The following BOP1 variants were observed in gnomAD, a reference collection of about 807,000 sequenced individuals.
BOP1 encodes BOP1 ribosomal biogenesis factor, also known as ribosome biogenesis protein BOP1.
BOP1 carries 54 observed loss-of-function variants against 82.9 expected under a neutral mutation model. The ratio of observed to expected loss-of-function variants is 0.65; its 90% CI spans 0.52 to 0.82. The LOEUF is 0.82. BOP1 is among the 40% of genes least tolerant of loss of function. The pLI is 0.00. For synonymous variants in BOP1, 566 were observed against 451.1 expected (o/e 1.25, Z -3.23); for missense variants, 1,170 against 1,072.0 (o/e 1.09, Z -1.28).
At chr8:144,267,293 C>T (rs1845396669) in intron 3 of BOP1, 3 of 1,266,252 alleles carry the variant, frequency 2.4e-6, no homozygotes, top group Non-Finnish European at 3.0e-6. Context: ...AGGGCACAGG[C>T]AGGCACACCT....
Position 144,264,295 on chromosome 8 carries a change from G to A in BOP1, c.908C>T (p.Pro303Leu). 1.2e-6 allele frequency: 2 copies of A among 1,611,218 alleles called. No homozygotes were observed. Among genetic ancestry groups the A allele is most frequent in the South Asian group, 1.1e-5 (1 of 90,982 alleles). Residue 303 changes from proline (P) to leucine (L), a missense_variant, in exon 7 of 16, where the codon CCC becomes CTC. Coordinates refer to ENST00000569669, the MANE Select transcript of BOP1 (RefSeq NM_015201.5). Reference sequence around the variant, plus strand: ...GGCGTGGCCTGGCAGGGCCAGCTTGGGAGCAGGTACGTGCATCTTGTGGCG... The same window carrying A: ...GGCGTGGCCTGGCAGGGCCAGCTTGAGAGCAGGTACGTGCATCTTGTGGCG... ...LGRHKMHVPA[P>L]KLALPGHAES...
Position 144,291,140 on chromosome 8 carries a change from C to G in BOP1, c.99+132G>C. On this transcript the variant is annotated intron_variant, in intron 1 of 15. Coordinates refer to ENST00000569669, the MANE Select transcript of BOP1 (RefSeq NM_015201.5). The surrounding 1 kb of genome is among the most constrained non-coding windows in gnomAD (Gnocchi z 4.1). ...GAGACCCCCCGATAGAGGAGCTGCA[C>G]CCACGCCCAAGACCGATTCACTGGG... 1.5e-6 allele frequency: 1 copy of G among 663,056 alleles called. No individual in the cohort carries two copies. Among genetic ancestry groups the G allele is most frequent in the Non-Finnish European group, 2.1e-6 (1 of 477,980 alleles). 41.1% of individuals were successfully genotyped at this position (663,056 alleles called of 1,614,324 possible).
intron 3 of BOP1, 129 bp downstream of exon 3, chr8:144,276,095 C>T: frequency 1.8e-6 from 2 of 1,106,292 alleles, no homozygotes; most frequent in South Asian, 1.3e-5. Flanking sequence ...GGCCTCGGCT[C>T]CAACAGTGCG....
At chr8:144,267,327 G>A (rs1845397623) in intron 3 of BOP1, 4 of 1,018,000 alleles carry the variant, frequency 3.9e-6, no homozygotes, top group Non-Finnish European at 5.1e-6. Context: ...GCCGGGGGCT[G>A]GGGCCTTCTC....
intron 11 of BOP1, 21 bp downstream of exon 11, chr8:144,263,457 G>T: frequency 6.3e-7 from 1 of 1,597,884 alleles, no homozygotes. Flanking sequence ...TGGCTCCCCA[G>T]CCCCCAGGGC....
intron 2 of BOP1, among the ~76,000 whole-genome samples, chr8:144,285,043 G>C (rs1814826367): frequency 6.6e-6 from 1 of 152,220 alleles, no homozygotes; most frequent in Admixed American, 6.5e-5. Flanking sequence ...GGTTGGTTTG[G>C]GGCACACACT....
In BOP1 at chr8:144,262,062, T is replaced by C. The variant is rs1845188098; in HGVS notation, c.*102A>G. The C allele has an allele frequency of 4.5e-6, 7 of 1,556,646 alleles. No individual in the cohort carries two copies. The highest frequency in any genetic ancestry group is 3.5e-5 in the Admixed American group (2 of 57,734). On this transcript the variant is annotated 3_prime_UTR_variant, in exon 16 of 16. Coordinates refer to ENST00000569669, the MANE Select transcript of BOP1 (RefSeq NM_015201.5). ...CTCGGCGCTGTGGTGGGGGCGGCTT[T>C]GTTGGCAACCCCAATTCAAGAAGGT...
chr8:144,270,656 G>C (rs889237919), intron 3 of BOP1, among the ~76,000 whole-genome samples: 1 of 152,134 alleles, frequency 6.6e-6, no homozygotes, highest in African/African-American at 2.4e-5. Context: ...CGGGGGTGGC[G>C]TGGGCTGACC....
intron 2 of BOP1, among the ~76,000 whole-genome samples, chr8:144,283,855 C>CGA (rs1411184352): frequency 9.9e-5 from 15 of 152,170 alleles, no homozygotes; most frequent in Admixed American, 9.2e-4. Context: ...CGGCGGCTCA[C>CGA]GCCTGTCATC....
chr8:144,263,355 C>G lies in BOP1; in HGVS notation c.1471G>C (p.Val491Leu). The change falls in exon 12 of 16, where the codon GTG becomes CTG. Residue 491 changes from valine (V) to leucine (L), a missense_variant. By Grantham distance (32) the Val-to-Leu change is conservative. Coordinates refer to ENST00000569669, the MANE Select transcript of BOP1 (RefSeq NM_015201.5). The stretch of plus-strand genomic sequence containing the variant: ...AACAGCTGATCTGTGCTGCCCGCCA[C>G]CAGCCGGTCCCCCAGAGCTGGGTTC... Reference protein sequence around the residue: ...LLNPALGDRLVAGSTDQLLSA... With the variant: ...LLNPALGDRLLAGSTDQLLSA... The G allele has an allele frequency of 6.3e-7, 1 of 1,596,600 alleles. No individual in the cohort carries two copies. The highest frequency in any genetic ancestry group is 8.5e-7 in the Non-Finnish European group (1 of 1,179,476).
chr8:144,271,738 C>A (rs1357908727), intron 3 of BOP1, among the ~76,000 whole-genome samples: 1 of 152,084 alleles, frequency 6.6e-6, no homozygotes, highest in Non-Finnish European at 1.5e-5. Flanking sequence ...AAAGTCCAAA[C>A]CAGCTGAGCG....
chr8:144,263,860 G>A lies in BOP1; in HGVS notation c.1192C>T (p.Leu398=). ...LIPKLPRPRD[L]QPFPTCQALV... ...GCCTGGCACGTGGGGAAGGGCTGCA[G>A]GTCCCTCGGCCGAGGCAGCTTGGGG... The change falls in exon 9 of 16, where the codon CTG becomes TTG. Residue 398 remains leucine, a synonymous_variant. Coordinates refer to ENST00000569669, the MANE Select transcript of BOP1 (RefSeq NM_015201.5). 1 of 1,611,568 alleles carries A rather than the reference G, an allele frequency of 6.2e-7. No individual in the cohort carries two copies. Among genetic ancestry groups the A allele is most frequent in the South Asian group, 1.1e-5 (1 of 90,966 alleles).
intron 3 of BOP1, among the ~76,000 whole-genome samples, chr8:144,269,994 T>C (rs1845466360): frequency 6.6e-6 from 1 of 152,134 alleles, no homozygotes; most frequent in African/African-American, 2.4e-5. Flanking sequence ...ATAGCCCACC[T>C]ACCCCTCACC....
chr8:144,278,232 C>A lies in BOP1; in HGVS notation c.310-1928G>T, dbSNP rs587717309. 3.5e-5 allele frequency among the ~76,000 whole-genome samples: 3 copies of A among 85,976 alleles called. No homozygotes were observed. In the East Asian group the frequency reaches 8.0e-4, roughly 23 times the overall value. 56.4% of individuals were successfully genotyped at this position (85,976 alleles called of 152,430 possible). Reference sequence around the variant, plus strand: ...TGGGCAGGGAGCCGCCGAGGGGGAGCGCAAGGACGAGGTGCCAGCAGGATG... The same window carrying A: ...TGGGCAGGGAGCCGCCGAGGGGGAGAGCAAGGACGAGGTGCCAGCAGGATG... On this transcript the variant is annotated intron_variant, in intron 2 of 15. Coordinates refer to ENST00000569669, the MANE Select transcript of BOP1 (RefSeq NM_015201.5).
chr8:144,262,830 G>A (rs1262429970), intron 13 of BOP1, 23 bp downstream of exon 13: 2 of 1,262,538 alleles, frequency 1.6e-6, no homozygotes, highest in Admixed American at 5.4e-5. Flanking sequence ...TCACCTGCAG[G>A]GTGCACCGCC....
At chr8:144,281,916 T>C (rs1845691641) in intron 2 of BOP1, 1 of 146,590 alleles carries the variant, frequency 6.8e-6, no homozygotes, top group Admixed American at 6.8e-5. Context: ...GCAGATTAAC[T>C]GATAAAAACA....
intron 3 of BOP1, chr8:144,266,681 C>A: frequency 8.0e-7 from 1 of 1,244,414 alleles, no homozygotes; most frequent in South Asian, 1.5e-5. Context: ...AGCCCGCTGT[C>A]GGAGGACGAG....
chr8:144,277,214 T>C (rs891433442), intron 2 of BOP1, among the ~76,000 whole-genome samples: 9 of 149,442 alleles, frequency 6.0e-5, no homozygotes, highest in African/African-American at 1.7e-4. Flanking sequence ...CCCCTGCCTG[T>C]TTTTTCCTTC....
Position 144,264,074 on chromosome 8 carries a change from G to T in BOP1, c.1047C>A (p.Ser349Arg). Reference sequence around the variant, plus strand: ...GTCCGTAGGCAGGCACGGCCCGCAGGCTCGGGAACTTGCGTGGCAAAAAGC... The same window carrying T: ...GTCCGTAGGCAGGCACGGCCCGCAGTCTCGGGAACTTGCGTGGCAAAAAGC... ...KLSFLPRKFPSLRAVPAYGRF... is the reference protein window; with the variant it reads ...KLSFLPRKFPRLRAVPAYGRF... Residue 349 changes from serine to arginine, a missense_variant, in exon 8 of 16, where the codon AGC (serine) becomes AGA (arginine). Coordinates refer to ENST00000569669, the MANE Select transcript of BOP1 (RefSeq NM_015201.5). The T allele has an allele frequency of 6.2e-7, 1 of 1,610,042 alleles. No homozygotes were observed.
Sources: gnomAD v4.1 joint callset for allele counts (sites outside exome capture counted in the v4.1 genomes callset) on GRCh38, gnomAD v4.1.1 for gene constraint, Gnocchi (gnomAD v3.1) non-coding constraint, MANE v1.5 for transcripts, NCBI Gene and HGNC (gene_info 2026-07-23, HGNC 2026-07-21) for gene names.